The following IQCM variants were observed in gnomAD, a reference collection of about 807,000 sequenced individuals.
IQCM encodes IQ motif containing M.
Under a neutral mutation model 57.6 loss-of-function variants are expected in IQCM, and 45 were observed. The ratio of observed to expected loss-of-function variants is 0.78; its 90% CI spans 0.62 to 1.00. IQCM has a LOEUF of 1.00. Ranked by LOEUF, IQCM falls within the 50% of genes least tolerant of loss-of-function variation. IQCM has a pLI of 0.00. For synonymous variants in IQCM, 148 were observed against 158.9 expected (o/e 0.93, Z 0.51); for missense variants, 468 against 511.6 (o/e 0.91, Z 0.82).
intron 5 of IQCM, among the ~76,000 whole-genome samples, chr4:149,717,049 C>T (rs563947217): frequency 1.7e-3 from 263 of 152,264 alleles, no homozygotes; most frequent in African/African-American, 5.2e-3. Flanking sequence ...TATCTCTTCA[C>T]CTGGCTGTTC....
At chr4:149,481,476 A>G (rs1560895345) in intron 12 of IQCM, among the ~76,000 whole-genome samples, 1 of 151,922 alleles carries the variant, frequency 6.6e-6, no homozygotes, top group Non-Finnish European at 1.5e-5. Context: ...CTGCATATGG[A>G]TAACCAGTTT....
intron 13 of IQCM, among the ~76,000 whole-genome samples, chr4:149,394,868 T>C (rs1732117580): frequency 6.6e-6 from 1 of 152,052 alleles, no homozygotes; most frequent in African/African-American, 2.4e-5. Context: ...ATTCATTAAC[T>C]TGTATCAGAA....
intron 8 of IQCM, among the ~76,000 whole-genome samples, chr4:149,588,289 G>A (rs1163776431): frequency 6.6e-6 from 1 of 151,266 alleles, no homozygotes; most frequent in Non-Finnish European, 1.5e-5. Context: ...TTATTTATTT[G>A]TCCTCTGTCT....
At chr4:149,658,053 T>C (rs1341671978) in intron 7 of IQCM, among the ~76,000 whole-genome samples, 1 of 152,138 alleles carries the variant, frequency 6.6e-6, no homozygotes, top group African/African-American at 2.4e-5. Context: ...TTTGCTTTTG[T>C]TCCCTGTGCA....
At chr4:149,482,117 A>T (rs1465918545) in intron 12 of IQCM, among the ~76,000 whole-genome samples, 1 of 151,964 alleles carries the variant, frequency 6.6e-6, no homozygotes, top group Non-Finnish European at 1.5e-5. Context: ...TACATTTTAT[A>T]TGTTGACTTT....
chr4:149,402,327 G>A (rs1732671607), intron 13 of IQCM, among the ~76,000 whole-genome samples: 1 of 151,592 alleles, frequency 6.6e-6, no homozygotes, highest in Admixed American at 6.6e-5. Flanking sequence ...TCAGTGATGG[G>A]GGCCTAAGGT....
chr4:149,732,432 C>G (rs1766543378), intron 5 of IQCM, among the ~76,000 whole-genome samples: 1 of 152,100 alleles, frequency 6.6e-6, no homozygotes, highest in Non-Finnish European at 1.5e-5. Flanking sequence ...GGTTGCTCCT[C>G]AGTGTTTCCA....
At chr4:149,407,257 A>C (rs374446533) in intron 13 of IQCM, among the ~76,000 whole-genome samples, 1 of 152,278 alleles carries the variant, frequency 6.6e-6, no homozygotes, top group African/African-American at 2.4e-5. Context: ...ACAGTCTAAC[A>C]GTTAATTTTC....
rs145168997 is a variant in IQCM at position 149,683,562 on chromosome 4, G to T, written c.477-1356C>A. ...CCTTAAGTTGTATCAAGAGAAAATA[G>T]AGAGACGTGAGTATGCAGTCAGTTT... On this transcript the variant is annotated intron_variant, in intron 6 of 13. Coordinates refer to ENST00000636793, the MANE Select transcript of IQCM (RefSeq NM_001363507.2). Among the ~76,000 whole-genome samples the T allele has an allele frequency of 7.0e-3, 1,058 of 151,392 alleles. 10 individuals are homozygous for T. Among genetic ancestry groups the T allele is most frequent in the African/African-American group, 0.024 (988 of 41,468 alleles).
At chr4:149,674,087 TTTGCA>T (rs1425193052) in intron 7 of IQCM, among the ~76,000 whole-genome samples, 4 of 152,140 alleles carry the variant, frequency 2.6e-5, no homozygotes, top group Non-Finnish European at 5.9e-5. Context: ...GAAGTCTTTC[TTTGCA>T]GAGTTGTTCA....
chr4:149,769,641 T>C (rs1770384351), intron 2 of IQCM, among the ~76,000 whole-genome samples: 1 of 151,820 alleles, frequency 6.6e-6, no homozygotes, highest in Non-Finnish European at 1.5e-5. Context: ...GTAGCTATAT[T>C]AATATTAAAG....
intron 8 of IQCM, among the ~76,000 whole-genome samples, chr4:149,608,701 T>C (rs1755011382): frequency 6.6e-6 from 1 of 151,794 alleles, no homozygotes; most frequent in Non-Finnish European, 1.5e-5. Flanking sequence ...TTGAAAACTT[T>C]CTTGAAACAA....
chr4:149,749,543 C>A (rs1768235015), intron 2 of IQCM, among the ~76,000 whole-genome samples: 1 of 151,558 alleles, frequency 6.6e-6, no homozygotes, highest in African/African-American at 2.4e-5. Context: ...AGTGCAGGGT[C>A]TGAGGTGGGG....
chr4:149,583,826 C>T (rs542153293), intron 9 of IQCM, among the ~76,000 whole-genome samples: 62 of 151,528 alleles, frequency 4.1e-4, no homozygotes, highest in South Asian at 1.9e-3. Flanking sequence ...ACTCTCAATG[C>T]ATTACTTCCC....
intron 12 of IQCM, among the ~76,000 whole-genome samples, chr4:149,482,896 C>T (rs1435714974): frequency 6.6e-6 from 1 of 151,112 alleles, no homozygotes; most frequent in East Asian, 1.9e-4. Context: ...CCATTGAGTC[C>T]CAGGCTTTTC....
chr4:149,531,315 G>T (rs1746725791), intron 12 of IQCM, among the ~76,000 whole-genome samples: 1 of 152,100 alleles, frequency 6.6e-6, no homozygotes, highest in South Asian at 2.1e-4. Context: ...CTTTCAAATG[G>T]CAAGAAATTA....
At chr4:149,446,316 G>A (rs530618685) in intron 12 of IQCM, among the ~76,000 whole-genome samples, 7 of 151,600 alleles carry the variant, frequency 4.6e-5, no homozygotes, top group South Asian at 4.1e-4. Context: ...GATTCTTTGC[G>A]GTAAGCTAAC....
intron 13 of IQCM, among the ~76,000 whole-genome samples, chr4:149,354,573 G>T (rs1728825375): frequency 6.6e-6 from 1 of 151,692 alleles, no homozygotes. Flanking sequence ...TTCCTATTAT[G>T]AATTTCTTTG....
At chr4:149,522,736 G>A (rs1431720726) in intron 12 of IQCM, among the ~76,000 whole-genome samples, 1 of 151,968 alleles carries the variant, frequency 6.6e-6, no homozygotes, top group Non-Finnish European at 1.5e-5. Flanking sequence ...AACTACAGAA[G>A]GAAGGGTAAT....
Sources: gnomAD v4.1 joint callset for allele counts (sites outside exome capture counted in the v4.1 genomes callset) on GRCh38, gnomAD v4.1.1 for gene constraint, MANE v1.5 for transcripts, NCBI Gene and HGNC (gene_info 2026-07-23, HGNC 2026-07-21) for gene names.